LAMB4: variants seen among roughly 807,000 people sequenced by gnomAD.
LAMB4 encodes the protein laminin subunit beta 4, also known as laminin subunit beta-4.
Under a neutral mutation model 199.2 loss-of-function variants are expected in LAMB4, and 196 were observed. The ratio of observed to expected loss-of-function variants is 0.98; its 90% CI spans 0.88 to 1.11. The LOEUF (loss-of-function observed/expected upper bound fraction) is 1.11. Ranked by LOEUF, LAMB4 falls within the 50% of genes least tolerant of loss-of-function variation. The pLI, the probability that LAMB4 is intolerant of heterozygous loss-of-function variation, is 0.00. For missense variants in LAMB4, 2,080 were observed against 2,171.2 expected (o/e 0.96, Z 0.83); for synonymous variants, 744 against 770.6 (o/e 0.97, Z 0.57).
chr7:108,030,481 A>C (rs377719782), intron 32 of LAMB4, among the ~76,000 whole-genome samples: 1 of 152,224 alleles, frequency 6.6e-6, no homozygotes, highest in Non-Finnish European at 1.5e-5. Context: ...GCAAAAACAT[A>C]CAATACAGAC....
chr7:108,086,062 C>T (rs1404888427), intron 14 of LAMB4, among the ~76,000 whole-genome samples: 4 of 152,140 alleles, frequency 2.6e-5, no homozygotes, highest in South Asian at 2.1e-4. Flanking sequence ...CTATGGCTCC[C>T]GACTGACCCC....
chr7:108,109,368 C>A, intron 4 of LAMB4, 124 bp from the exon 5 acceptor site: 1 of 716,194 alleles, frequency 1.4e-6, no homozygotes, highest in East Asian at 2.6e-5. Flanking sequence ...GACGATCACT[C>A]TTCCCAGTCT....
chr7:108,089,673 G>GT (rs2037323984), intron 14 of LAMB4, among the ~76,000 whole-genome samples: 1 of 152,134 alleles, frequency 6.6e-6, no homozygotes, highest in Non-Finnish European at 1.5e-5. Flanking sequence ...AGTTGTGTTT[G>GT]TTTTTTTGAG....
chr7:108,080,147 C>A, intron 14 of LAMB4, among the ~76,000 whole-genome samples: 1 of 152,188 alleles, frequency 6.6e-6, no homozygotes, highest in East Asian at 1.9e-4. Flanking sequence ...GGAGGCTATT[C>A]CCATGCCCAC....
At position 108,056,146 on chromosome 7, in the gene LAMB4, T is replaced by G. The variant is rs2035979018; in HGVS notation, c.3380-139A>C. On this transcript the variant is annotated intron_variant, in intron 24 of 33. Transcript: ENST00000388781. ...GATGAATATTTAAAGCCAATATAAT[T>G]TCAGAGATCTGTGCAATAGCCATTA... The G allele has an allele frequency of 4.0e-6, 3 of 753,074 alleles. No individual in the cohort carries two copies. The East Asian group carries it at 8.0e-5, about 20-fold the overall frequency. 46.6% of individuals were successfully genotyped at this position (753,074 alleles called of 1,614,324 possible).
At chr7:108,081,390 C>T (rs956660450) in intron 14 of LAMB4, among the ~76,000 whole-genome samples, 16 of 152,202 alleles carry the variant, frequency 1.1e-4, no homozygotes, top group African/African-American at 3.9e-4. Flanking sequence ...CCAGTGTATG[C>T]CCCTGAGCTC....
At chr7:108,106,142 G>A in intron 7 of LAMB4, 111 bp from the exon 8 acceptor site, 1 of 875,218 alleles carries the variant, frequency 1.1e-6, no homozygotes, top group Non-Finnish European at 1.8e-6. Flanking sequence ...TACAGGCCCG[G>A]TGTAGTGGCT....
chr7:108,104,501 C>A lies in LAMB4; in HGVS notation c.989G>T (p.Arg330Ile). ...PAADLQDNAC[R>I]SCSCNSHSSR... is the part of the protein sequence containing the mutation. ...GCAGGGAACTGAGTTTCACCCACAT[C>A]TGCAAGCGTTGTCCTGGAGGTCTGC... Residue 330 changes from arginine (R) to isoleucine (I), a missense_variant and splice_region_variant, in exon 9 of 34, where the codon AGA becomes ATA. Transcript: ENST00000388781. The A allele has an allele frequency of 6.2e-7, 1 of 1,614,126 alleles. No homozygotes were observed. The highest frequency in any genetic ancestry group is 8.5e-7 in the Non-Finnish European group (1 of 1,179,986).
intron 9 of LAMB4, among the ~76,000 whole-genome samples, chr7:108,103,561 T>C (rs373064130): frequency 2.9e-4 from 44 of 152,362 alleles, no homozygotes; most frequent in African/African-American, 1.0e-3. Flanking sequence ...AAGGATGCTT[T>C]TACTGACTTA....
At chr7:108,102,462 A>C (rs1173474632) in intron 10 of LAMB4, among the ~76,000 whole-genome samples, 1 of 152,218 alleles carries the variant, frequency 6.6e-6, no homozygotes, top group African/African-American at 2.4e-5. Context: ...CAAATGGGAC[A>C]GTTGTGTACC....
rs968850581 is a variant in LAMB4, at chr7:108,051,976, T to C, written c.3916+121A>G. The stretch of plus-strand genomic sequence containing the variant: ...CAAATAATACCTTTAATGGTTGTGT[T>C]TGCATGTTCTAAAGTGCTCAGGCAC... On this transcript the variant is annotated intron_variant, in intron 26 of 33. Coordinates refer to ENST00000388781, the MANE Select transcript of LAMB4 (RefSeq NM_007356.3). The C allele has an allele frequency of 1.7e-5, 11 of 650,272 alleles. No homozygotes were observed. In the African/African-American group the frequency reaches 1.8e-4, roughly 11 times the overall value. The allele number at this position is 650,272 out of a possible 1,614,324, so 40.3% of individuals were successfully genotyped here. A position where few individuals can be genotyped will look rare whatever the true frequency, so the allele number is the denominator to read the frequency against.
intron 16 of LAMB4, among the ~76,000 whole-genome samples, chr7:108,077,462 AG>A (rs2036747096): frequency 6.6e-6 from 1 of 152,204 alleles, no homozygotes; most frequent in African/African-American, 2.4e-5. Flanking sequence ...TGGGAGGCCA[AG>A]GTGGGCAGAT....
chr7:108,029,520 C>T (rs954004074), intron 32 of LAMB4, among the ~76,000 whole-genome samples: 1 of 152,188 alleles, frequency 6.6e-6, no homozygotes, highest in Non-Finnish European at 1.5e-5. Context: ...AGAAATGACC[C>T]AATCCCATCC....
chr7:108,068,657 T>C (rs2036427905), intron 18 of LAMB4, among the ~76,000 whole-genome samples: 1 of 151,728 alleles, frequency 6.6e-6, no homozygotes, highest in Non-Finnish European at 1.5e-5. Flanking sequence ...TACAGGTGTC[T>C]GCCACCATAC....
rs750973233 is a variant in LAMB4 at position 108,057,892 on chromosome 7, C to T, written c.3319G>A (p.Gly1107Arg). 1.5e-5 allele frequency: 24 copies of T among 1,613,724 alleles called. No homozygotes were observed. The highest frequency in any genetic ancestry group is 3.3e-5 in the Admixed American group (2 of 59,982). The change falls in exon 24 of 34, where the codon GGG becomes AGG. Residue 1107 changes from glycine to arginine, a missense_variant. Physicochemically the swap from Gly to Arg is moderately radical, Grantham distance 125. Coordinates refer to ENST00000388781, the MANE Select transcript of LAMB4 (RefSeq NM_007356.3). ...TCCTGGCACTCACTGCAACGTTTCCCGCCGTAACCTAATTTACACGGACAC... is the reference window on the plus strand; with the variant it reads ...TCCTGGCACTCACTGCAACGTTTCCTGCCGTAACCTAATTTACACGGACAC... ...GQCPCKLGYG[G>R]KRCSECQENY... is the part of the protein sequence containing the mutation.
chr7:108,022,236 C>T (rs1055290335), downstream of LAMB4, among the ~76,000 whole-genome samples: 3 of 152,218 alleles, frequency 2.0e-5, no homozygotes, highest in Non-Finnish European at 2.9e-5. Context: ...TCAGTGATTG[C>T]ATCCAAGAAC....
At position 108,037,185 on chromosome 7, in the gene LAMB4, G is replaced by A. The variant is rs996726654; in HGVS notation, c.4679+203C>T. On this transcript the variant is annotated intron_variant, in intron 30 of 33. Coordinates refer to ENST00000388781, the MANE Select transcript of LAMB4 (RefSeq NM_007356.3). ...AGGCATTTTGAGTCTAAGAAAACAG[G>A]AAGAAAACAACCCTGAACCCTGTCA... Among the ~76,000 whole-genome samples, 6 of 152,046 alleles carry A rather than the reference G, an allele frequency of 3.9e-5. No homozygotes were observed. The South Asian group carries it at 1.2e-3, about 32-fold the overall frequency.
chr7:108,078,333 T>C lies in LAMB4; in HGVS notation c.1888-17A>G, dbSNP rs2036787488. ...AGCTGCAGACTAGACAGGCATGACA[T>C]TAAGGCATGTCACTGCAAGGATGCA... is the stretch of plus-strand genomic sequence containing the variant. On this transcript the variant is annotated splice_polypyrimidine_tract_variant and intron_variant, in intron 15 of 33. Transcript: ENST00000388781. 6.9e-7 allele frequency: 1 copy of C among 1,441,712 alleles called. No individual in the cohort carries two copies. The highest frequency in any genetic ancestry group is 1.8e-5 in the Admixed American group (1 of 56,582). The allele number at this position is 1,441,712 out of a possible 1,614,324, so 89.3% of individuals were successfully genotyped here.
intron 1 of LAMB4, among the ~76,000 whole-genome samples, chr7:108,126,747 T>G (rs1482367566): frequency 1.3e-5 from 2 of 149,200 alleles, no homozygotes; most frequent in East Asian, 3.9e-4. Flanking sequence ...TTTTTGTATT[T>G]TTAGTAGAGA....
Sources: gnomAD v4.1 joint callset for allele counts (sites outside exome capture counted in the v4.1 genomes callset) on GRCh38, gnomAD v4.1.1 for gene constraint, MANE v1.5 for transcripts, NCBI Gene and HGNC (gene_info 2026-07-23, HGNC 2026-07-21) for gene names.